ANKMY1: variants seen among roughly 807,000 people sequenced by gnomAD.
ANKMY1 encodes ankyrin repeat and MYND domain containing 1.
In ANKMY1, 98 loss-of-function variants were observed where a neutral mutation model predicts 102.0. The ratio of observed to expected loss-of-function variants is 0.96; its 90% confidence interval spans 0.82 to 1.14. The LOEUF is 1.14. Ranked by LOEUF, ANKMY1 falls within the 50% of genes most tolerant of loss-of-function variation. ANKMY1 has a pLI of 0.00. For synonymous variants in ANKMY1, 582 were observed against 559.9 expected (o/e 1.04, Z -0.56); for missense variants, 1,330 against 1,347.6 (o/e 0.99, Z 0.20).
chr2:240,523,412 C>T (rs192889510), intron 8 of ANKMY1: 14 of 170,660 alleles, frequency 8.2e-5, no homozygotes, highest in Non-Finnish European at 1.8e-4. Flanking sequence ...CATTTTGACC[C>T]CACAGACTCC....
chr2:240,499,730 AC>A lies in ANKMY1; in HGVS notation c.2806+227del, dbSNP rs2077838116. On this transcript the variant is annotated intron_variant, in intron 15 of 17. Coordinates refer to ENST00000401804, the MANE Select transcript of ANKMY1 (RefSeq NM_001282771.3). The surrounding 1 kb of genome is among the most constrained non-coding windows in gnomAD (Gnocchi z 4.2). Reference sequence around the variant, plus strand: ...CTGACCTGGGCCCTGGCCCTAGGCCACCAACTCCTCTTCCCAGGGACATCTC... The same window carrying A: ...CTGACCTGGGCCCTGGCCCTAGGCCACAACTCCTCTTCCCAGGGACATCTC... Among the ~76,000 whole-genome samples, 1 of 151,990 alleles carries A rather than the reference AC, an allele frequency of 6.6e-6. No individual in the cohort carries two copies. The highest frequency in any genetic ancestry group is 2.1e-4 in the South Asian group (1 of 4,828).
In ANKMY1 at chr2:240,526,377, G is replaced by A; in HGVS notation, c.1022C>T (p.Pro341Leu). ...GGAAAGTTGCTCTTTGGGCCCACAGGGTGCAAAGCCACTGCGCTTCCCCTC... is the reference window on the plus strand; with the variant it reads ...GGAAAGTTGCTCTTTGGGCCCACAGAGTGCAAAGCCACTGCGCTTCCCCTC... ...ILEGKRSGFAPCGPKEQLSME... is the reference protein window; with the variant it reads ...ILEGKRSGFALCGPKEQLSME... Residue 341 changes from proline (P) to leucine (L), a missense_variant, in exon 6 of 18, where the codon CCC becomes CTC. Transcript: ENST00000401804. The A allele has an allele frequency of 6.2e-7, 1 of 1,614,218 alleles. No individual in the cohort carries two copies. Among genetic ancestry groups the A allele is most frequent in the Non-Finnish European group, 8.5e-7 (1 of 1,180,048 alleles).
intron 15 of ANKMY1, among the ~76,000 whole-genome samples, chr2:240,485,592 T>C (rs1278682231): frequency 2.0e-5 from 3 of 152,086 alleles, no homozygotes; most frequent in African/African-American, 4.8e-5. Flanking sequence ...TTCTTTTTTT[T>C]TTTTCTTTTC....
chr2:240,525,837 T>C lies in ANKMY1; in HGVS notation c.1183A>G (p.Asn395Asp), dbSNP rs1210681184. 16 of 1,614,024 alleles carry C rather than the reference T, an allele frequency of 9.9e-6. No individual in the cohort carries two copies. The highest frequency in any genetic ancestry group is 1.3e-5 in the Non-Finnish European group (15 of 1,179,984). ...VLAAAATHCH[N>D]DIVNLLLDCG... ...TCCAGGAGAAGGTTGACAATGTCGT[T>C]GTGGCAGTGAGTCTGGAGGGAGATG... is the stretch of plus-strand genomic sequence containing the variant. The change falls in exon 7 of 18, where the codon AAC becomes GAC. Residue 395 changes from asparagine (N) to aspartate (D), a missense_variant. Physicochemically the swap from Asn to Asp is conservative, Grantham distance 23. Coordinates refer to ENST00000401804, the MANE Select transcript of ANKMY1 (RefSeq NM_001282771.3).
intron 4 of ANKMY1, among the ~76,000 whole-genome samples, chr2:240,542,937 ATAAT>A (rs2089367845): frequency 6.6e-6 from 1 of 150,620 alleles, no homozygotes; most frequent in African/African-American, 2.4e-5. Flanking sequence ...GTAATTACTT[ATAAT>A]TACTTAATAA....
rs2079009251 is a variant in ANKMY1 at position 240,506,032 on chromosome 2, C to A, written c.2526+1528G>T. ...CCAGGTTCCCTAACCCCGGATGAGGCACCGGGGAGCCTCCTAACCCCGGAC... is the reference window on the plus strand; with the variant it reads ...CCAGGTTCCCTAACCCCGGATGAGGAACCGGGGAGCCTCCTAACCCCGGAC... On this transcript the variant is annotated intron_variant, in intron 13 of 17. Transcript: ENST00000401804. This position sits in a 1 kb window ranked among gnomAD's most constrained non-coding sequence, Gnocchi z 4.9. Among the ~76,000 whole-genome samples the A allele has an allele frequency of 6.6e-6, 1 of 152,188 alleles. No homozygotes were observed. Among genetic ancestry groups the A allele is most frequent in the Admixed American group, 6.5e-5 (1 of 15,278 alleles).
chr2:240,490,133 C>T (rs2076479127), intron 15 of ANKMY1, among the ~76,000 whole-genome samples: 1 of 151,696 alleles, frequency 6.6e-6, no homozygotes, highest in East Asian at 1.9e-4. Context: ...AGATTCATTT[C>T]TTCAAATAAG....
At chr2:240,560,828 C>T (rs1423593735), upstream of ANKMY1, 4 of 1,418,488 alleles carry the variant, frequency 2.8e-6, no homozygotes. Context: ...TCACGCTGTG[C>T]GTCAACGTCT....
chr2:240,553,033 C>T lies in ANKMY1; in HGVS notation c.361G>A (p.Asp121Asn), dbSNP rs375358965. 5 of 1,613,816 alleles carry T rather than the reference C, an allele frequency of 3.1e-6. No individual in the cohort carries two copies. Among genetic ancestry groups the T allele is most frequent in the African/African-American group, 2.7e-5 (2 of 74,870 alleles). Reference protein sequence around the residue: ...GESYHGQFYRDHCHGLGTYMW... With the variant: ...GESYHGQFYRNHCHGLGTYMW... ...TAGGTACCCAGGCCATGGCAGTGGT[C>T]CCGGTAAAACTGCCCATGGTATGAC... Residue 121 changes from aspartate (D) to asparagine (N), a missense_variant, in exon 4 of 18, where the codon GAC becomes AAC. Coordinates refer to ENST00000401804, the MANE Select transcript of ANKMY1 (RefSeq NM_001282771.3).
At chr2:240,522,458 T>C (rs2082496789) in intron 8 of ANKMY1, 2 of 152,170 alleles carry the variant, frequency 1.3e-5, no homozygotes, top group South Asian at 4.1e-4. Flanking sequence ...TGGAAGTGAG[T>C]GGAGATTCAG....
chr2:240,479,312 C>G, downstream of ANKMY1: 1 of 476,466 alleles, frequency 2.1e-6, no homozygotes, highest in Non-Finnish European at 3.8e-6. Flanking sequence ...CAGGATGGCC[C>G]AGGCCATGCC....
chr2:240,516,912 A>G (rs2081315140), intron 9 of ANKMY1, among the ~76,000 whole-genome samples: 1 of 152,198 alleles, frequency 6.6e-6, no homozygotes, highest in East Asian at 1.9e-4. Flanking sequence ...TTTTTGAAAC[A>G]CTGCTGTTTC....
chr2:240,508,645 C>T (rs542207765), intron 12 of ANKMY1, among the ~76,000 whole-genome samples: 5 of 152,298 alleles, frequency 3.3e-5, no homozygotes, highest in East Asian at 3.9e-4. Context: ...GCTCCTCCAA[C>T]GAGAATATAG....
At chr2:240,512,086 C>A (rs1233692643) in intron 10 of ANKMY1, 85 bp from the exon 11 acceptor site, 1 of 1,421,584 alleles carries the variant, frequency 7.0e-7, no homozygotes, top group East Asian at 2.8e-5. Flanking sequence ...AGCTTCCTCC[C>A]CAGCCTGCGG....
rs763738953 is a variant in ANKMY1 at position 240,524,254 on chromosome 2, G to A, written c.1463C>T (p.Pro488Leu). The A allele has an allele frequency of 6.2e-6, 10 of 1,613,736 alleles. No homozygotes were observed. The East Asian group carries it at 2.2e-4, about 36-fold the overall frequency. The change falls in exon 8 of 18, where the codon CCA becomes CTA. Residue 488 changes from proline (P) to leucine (L), a missense_variant. Coordinates refer to ENST00000401804, the MANE Select transcript of ANKMY1 (RefSeq NM_001282771.3). Reference sequence around the variant, plus strand: ...GCCTGAGACGCGTGGCAGGAGCAGTGGTGCTGGCGGTGGCCTCAGCTCATA... The same window carrying A: ...GCCTGAGACGCGTGGCAGGAGCAGTAGTGCTGGCGGTGGCCTCAGCTCATA... ...GSYELRPPPA[P>L]LLLPRVSGSH...
chr2:240,518,021 C>T (rs1251206675), intron 9 of ANKMY1, among the ~76,000 whole-genome samples: 7 of 152,136 alleles, frequency 4.6e-5, no homozygotes, highest in African/African-American at 1.2e-4. Context: ...CAGCTGCCCA[C>T]GACGCCCCTC....
the ANKMY1 span, among the ~76,000 whole-genome samples, chr2:240,471,985 G>A: frequency 1.3e-5 from 2 of 152,172 alleles, no homozygotes. Context: ...TTCCACTGCA[G>A]ATCCCGAAAT....
At chr2:240,512,756 A>C in intron 10 of ANKMY1, 46 bp downstream of exon 10, 1 of 1,573,052 alleles carries the variant, frequency 6.4e-7, no homozygotes, top group Non-Finnish European at 8.6e-7. Context: ...ATCCAGGCAC[A>C]CCTGGCCAAG....
chr2:240,520,462 G>T lies in ANKMY1; in HGVS notation c.1904C>A (p.Pro635His), dbSNP rs746261412. The T allele has an allele frequency of 1.2e-6, 2 of 1,613,352 alleles. No individual in the cohort carries two copies. The highest frequency in any genetic ancestry group is 1.3e-5 in the African/African-American group (1 of 74,922). The change falls in exon 9 of 18, where the codon CCC (proline) becomes CAC (histidine). Residue 635 changes from proline to histidine, a missense_variant. Physicochemically the swap from Pro to His is moderately conservative, Grantham distance 77 (BLOSUM62 -2). Coordinates refer to ENST00000401804, the MANE Select transcript of ANKMY1 (RefSeq NM_001282771.3). The surrounding 1 kb of genome is among the most constrained non-coding windows in gnomAD (Gnocchi z 4.8). ...RGADPNLCCV[P>H]MQVLFLAVKA... is the part of the protein sequence containing the mutation. ...CACAGCAAGGAACAGGACCTGCATGGGCACGCAGCACAGGTTGGGGTCCGC... is the reference window on the plus strand; with the variant it reads ...CACAGCAAGGAACAGGACCTGCATGTGCACGCAGCACAGGTTGGGGTCCGC...
Sources: gnomAD v4.1 joint callset for allele counts (sites outside exome capture counted in the v4.1 genomes callset) on GRCh38, gnomAD v4.1.1 for gene constraint, Gnocchi (gnomAD v3.1) non-coding constraint, MANE v1.5 for transcripts, NCBI Gene and HGNC (gene_info 2026-07-23, HGNC 2026-07-21) for gene names.